Variants in LRP2 observed in about 807,000 individuals in gnomAD.
LRP2 encodes low-density lipoprotein receptor-related protein 2.
A neutral mutation model predicts 531.0 loss-of-function variants in LRP2; 172 were observed. The ratio of observed to expected loss-of-function variants is 0.32; its 90% confidence interval spans 0.29 to 0.37. The LOEUF (loss-of-function observed/expected upper bound fraction) is 0.37, where lower values mean the gene tolerates loss of function less well. Among genes scored for constraint, LRP2 ranks in the 10% least tolerant of loss-of-function variants. The pLI, the probability that LRP2 is intolerant of heterozygous loss-of-function variation, is 1.00. For missense variants in LRP2, 5,167 were observed against 5,868.3 expected (o/e 0.88, Z 3.90); for synonymous variants, 1,992 against 2,027.6 (o/e 0.98, Z 0.47).
intron 62 of LRP2, among the ~76,000 whole-genome samples, chr2:169,164,328 G>C (rs1216345379): frequency 6.6e-6 from 1 of 152,244 alleles, no homozygotes; most frequent in Non-Finnish European, 1.5e-5. Context: ...ATTACCCAGA[G>C]GTCCTGGATT....
intron 3 of LRP2, among the ~76,000 whole-genome samples, chr2:169,310,378 G>A (rs1684558813): frequency 6.6e-6 from 1 of 152,112 alleles, no homozygotes; most frequent in South Asian, 2.1e-4. Context: ...ACGTCCCATT[G>A]ATACCTAATT....
chr2:169,188,810 G>T (rs763761738), intron 48 of LRP2, among the ~76,000 whole-genome samples: 2 of 152,096 alleles, frequency 1.3e-5, no homozygotes, highest in Non-Finnish European at 2.9e-5. Context: ...AGATTATTGG[G>T]TGTGTCCTCT....
intron 38 of LRP2, among the ~76,000 whole-genome samples, chr2:169,208,903 G>A (rs1416675930): frequency 2.0e-5 from 3 of 151,978 alleles, no homozygotes; most frequent in East Asian, 3.9e-4. Context: ...AAAATGAGGG[G>A]TTATTCAAGC....
At chr2:169,315,743 C>G (rs12996875) in intron 3 of LRP2, among the ~76,000 whole-genome samples, 1 of 152,026 alleles carries the variant, frequency 6.6e-6, no homozygotes, top group Non-Finnish European at 1.5e-5. Flanking sequence ...CAGAGAGAAT[C>G]TAAGGATCCA....
chr2:169,217,102 G>GA (rs1414899006), intron 34 of LRP2, among the ~76,000 whole-genome samples: 2 of 152,070 alleles, frequency 1.3e-5, no homozygotes, highest in African/African-American at 4.8e-5. Context: ...CATGATATAT[G>GA]AAAATGTATT....
intron 55 of LRP2, among the ~76,000 whole-genome samples, chr2:169,174,948 G>C (rs1204981352): frequency 6.7e-6 from 1 of 150,192 alleles, no homozygotes; most frequent in Non-Finnish European, 1.5e-5. Flanking sequence ...CCAGCACATG[G>C]TGAAGAGCCA....
intron 62 of LRP2, among the ~76,000 whole-genome samples, chr2:169,162,946 G>A (rs1310901419): frequency 6.6e-6 from 1 of 152,232 alleles, no homozygotes; most frequent in Non-Finnish European, 1.5e-5. Context: ...TGCTCAATAA[G>A]GCTTCATTAT....
rs541572764 is a variant in LRP2 at position 169,306,403 on chromosome 2, G to A, written c.427+878C>T. 4.6e-5 allele frequency among the ~76,000 whole-genome samples: 7 copies of A among 152,114 alleles called. No homozygotes were observed. The South Asian group carries it at 6.2e-4, about 14-fold the overall frequency. ...ACAAAAATTAGTCGGGCGTGGTGGCGCATGCCTGTAATCCCAGCTACTCGG... is the reference window on the plus strand; with the variant it reads ...ACAAAAATTAGTCGGGCGTGGTGGCACATGCCTGTAATCCCAGCTACTCGG... On this transcript the variant is annotated intron_variant, in intron 4 of 78. Transcript: ENST00000649046.
At chr2:169,289,585 C>A (rs931259673) in intron 8 of LRP2, among the ~76,000 whole-genome samples, 1 of 151,828 alleles carries the variant, frequency 6.6e-6, no homozygotes, top group Non-Finnish European at 1.5e-5. Flanking sequence ...AGAAAAAGCT[C>A]CTTTTTAAAG....
chr2:169,350,623 C>T (rs1387044756), intron 1 of LRP2, among the ~76,000 whole-genome samples: 8 of 147,396 alleles, frequency 5.4e-5, no homozygotes, highest in African/African-American at 2.0e-4. Flanking sequence ...ACTTGGGAGG[C>T]TGAGGCAGGA....
At chr2:169,149,845 T>G (rs1207075308) in intron 68 of LRP2, among the ~76,000 whole-genome samples, 1 of 138,132 alleles carries the variant, frequency 7.2e-6, no homozygotes, top group Non-Finnish European at 1.6e-5. Flanking sequence ...CCAAAAAAAT[T>G]AAAAAAAAAA....
rs752352166 is a variant in LRP2, at chr2:169,318,808, G to A, written c.264C>T (p.Asp88=). Residue 88 remains aspartate, a synonymous_variant, in exon 3 of 79, where the codon GAC becomes GAT. Coordinates refer to ENST00000649046, the MANE Select transcript of LRP2 (RefSeq NM_004525.3). The part of the protein sequence containing the change: ...GQCIPNSWVC[D]QDQDCDDGSD... ...AGCCATCATCACAGTCTTGATCTTG[G>A]TCACACACCCAGGAGTTGGGGATGC... is the stretch of plus-strand genomic sequence containing the variant. 1.9e-6 allele frequency: 3 copies of A among 1,614,100 alleles called. No individual in the cohort carries two copies. The highest frequency in any genetic ancestry group is 2.2e-5 in the South Asian group (2 of 91,076).
intron 41 of LRP2, 103 bp from the exon 42 acceptor site, chr2:169,204,374 C>A: frequency 8.9e-7 from 1 of 1,122,610 alleles, no homozygotes; most frequent in Non-Finnish European, 1.3e-6. Flanking sequence ...ACACAAGCTG[C>A]AAACTTTCTT....
intron 50 of LRP2, chr2:169,182,710 G>T: frequency 2.7e-6 from 2 of 732,622 alleles, no homozygotes; most frequent in Non-Finnish European, 3.3e-6. Flanking sequence ...AAACACACTT[G>T]TCTAAGTGTG....
At chr2:169,156,445 C>T (rs757672660) in intron 64 of LRP2, 40 bp from the exon 65 acceptor site, 4 of 1,611,984 alleles carry the variant, frequency 2.5e-6, no homozygotes, top group Non-Finnish European at 3.4e-6. Context: ...CATCTGTTCC[C>T]ATCCATTCCT....
At chr2:169,265,265 C>T (rs1357757134) in intron 16 of LRP2, among the ~76,000 whole-genome samples, 2 of 152,058 alleles carry the variant, frequency 1.3e-5, no homozygotes, top group African/African-American at 4.8e-5. Flanking sequence ...AATTGACCAT[C>T]TCCAGAAAAG....
At chr2:169,226,352 T>A in intron 32 of LRP2, 70 bp downstream of exon 32, 2 of 1,274,440 alleles carry the variant, frequency 1.6e-6, no homozygotes, top group Admixed American at 1.8e-5. Context: ...AGTTTGCTTA[T>A]AAGAAAACAT....
intron 68 of LRP2, among the ~76,000 whole-genome samples, 161 bp downstream of exon 68, chr2:169,150,737 C>G (rs1448038430): frequency 1.3e-5 from 2 of 152,100 alleles, no homozygotes; most frequent in African/African-American, 4.8e-5. Context: ...TATATGATCT[C>G]AAGGGCATGT....
chr2:169,134,027 A>G (rs1045243342), intron 76 of LRP2, among the ~76,000 whole-genome samples: 2 of 152,140 alleles, frequency 1.3e-5, no homozygotes, highest in African/African-American at 2.4e-5. Flanking sequence ...AAGTCTGACT[A>G]ATCTCCCAAA....
Sources: allele counts gnomAD v4.1 joint callset (sites outside exome capture counted in the v4.1 genomes callset), GRCh38; gene constraint gnomAD v4.1.1; transcripts MANE v1.5; gene names NCBI Gene and HGNC (gene_info 2026-07-23, HGNC 2026-07-21).